Variants in TRIM37 observed in about 807,000 individuals in gnomAD.
TRIM37 encodes tripartite motif containing 37.
TRIM37 carries 80 observed loss-of-function variants against 129.8 expected under a neutral mutation model. The observed-to-expected ratio is 0.62, with a 90% CI of 0.51 to 0.74. TRIM37 has a LOEUF of 0.74. TRIM37 is among the 30% of genes least tolerant of loss of function. TRIM37 has a pLI of 0.00. For missense variants in TRIM37, 1,054 were observed against 1,176.5 expected (o/e 0.90, Z 1.52); for synonymous variants, 389 against 387.1 (o/e 1.00, Z -0.06).
chr17:59,039,900 T>C (rs2038964641), intron 17 of TRIM37, among the ~76,000 whole-genome samples: 1 of 152,114 alleles, frequency 6.6e-6, no homozygotes, highest in Admixed American at 6.6e-5. Flanking sequence ...TTTTCATTAT[T>C]TTTATTTCTA....
rs1228509160 is a variant in TRIM37, at chr17:59,005,702, C to T, written c.2696-3988G>A. On this transcript the variant is annotated intron_variant, in intron 22 of 23. Coordinates refer to ENST00000262294, the MANE Select transcript of TRIM37 (RefSeq NM_015294.6). ...ACTGGGTAGTATGTGAATAATGTCA[C>T]GTTTAGAACTCAGCAAGGTTTACAG... Among the ~76,000 whole-genome samples the T allele has an allele frequency of 4.6e-5, 7 of 152,228 alleles. No individual in the cohort carries two copies. In the East Asian group the frequency reaches 9.7e-4, roughly 21 times the overall value.
rs1005720992 is a variant in TRIM37 at position 59,060,903 on chromosome 17, A to C, written c.1019+129T>G. The C allele has an allele frequency of 4.3e-6, 3 of 689,714 alleles. No homozygotes were observed. In the African/African-American group the frequency reaches 5.4e-5, roughly 13 times the overall value. The allele number at this position is 689,714 out of a possible 1,614,324, so 42.7% of individuals were successfully genotyped here. ...AGAAAAATACCATCCTATGATGCCA[A>C]GAACATATTATTCTACATCTTAACA... On this transcript the variant is annotated intron_variant, in intron 12 of 23. Transcript: ENST00000262294.
At chr17:59,041,543 T>A (rs2039153933) in intron 17 of TRIM37, among the ~76,000 whole-genome samples, 3 of 152,238 alleles carry the variant, frequency 2.0e-5, no homozygotes, top group Admixed American at 2.0e-4. Flanking sequence ...TCTCTATGCA[T>A]CAGTGAATGT....
chr17:59,065,917 C>T (rs2041885679), intron 9 of TRIM37, among the ~76,000 whole-genome samples: 1 of 152,144 alleles, frequency 6.6e-6, no homozygotes. Context: ...AGCAGATGTA[C>T]TTTGCCCTGT....
chr17:59,002,078 T>C (rs936289850), intron 22 of TRIM37, among the ~76,000 whole-genome samples: 7 of 152,178 alleles, frequency 4.6e-5, no homozygotes, highest in African/African-American at 1.7e-4. Context: ...TCCTGATTCA[T>C]TATAGACATA....
At chr17:59,045,809 G>A (rs1393368852) in intron 16 of TRIM37, among the ~76,000 whole-genome samples, 2 of 151,946 alleles carry the variant, frequency 1.3e-5, no homozygotes, top group South Asian at 2.1e-4. Context: ...GAAGTCAGGA[G>A]TTCAAGACCA....
intron 22 of TRIM37, among the ~76,000 whole-genome samples, chr17:59,007,748 T>A (rs896611864): frequency 1.3e-5 from 2 of 152,190 alleles, no homozygotes; most frequent in Non-Finnish European, 2.9e-5. Context: ...AAAGGCCTAT[T>A]TATGTTCATA....
At chr17:59,028,841 A>G in intron 18 of TRIM37, 118 bp from the exon 19 acceptor site, 2 of 943,908 alleles carry the variant, frequency 2.1e-6, no homozygotes, top group South Asian at 2.9e-5. Context: ...ACGTGGTATC[A>G]ACAATAAAAC....
At chr17:59,016,394 C>A (rs1253517440) in intron 20 of TRIM37, among the ~76,000 whole-genome samples, 1 of 133,994 alleles carries the variant, frequency 7.5e-6, no homozygotes. Context: ...AAAACTCCAT[C>A]TCAAAAAAAA....
At chr17:59,030,920 C>T (rs115005539) in intron 18 of TRIM37, among the ~76,000 whole-genome samples, 1 of 152,320 alleles carries the variant, frequency 6.6e-6, no homozygotes, top group African/African-American at 2.4e-5. Flanking sequence ...CCTTTGCAAA[C>T]AACACTTAAC....
intron 4 of TRIM37, 108 bp from the exon 5 acceptor site, chr17:59,084,197 A>C: frequency 2.9e-5 from 24 of 832,696 alleles, no homozygotes; most frequent in Non-Finnish European, 3.9e-5. Context: ...ATTATATCTC[A>C]AGAAACACAG....
At chr17:59,080,294 T>C (rs1287006661) in intron 6 of TRIM37, among the ~76,000 whole-genome samples, 1 of 152,206 alleles carries the variant, frequency 6.6e-6, no homozygotes, top group African/African-American at 2.4e-5. Context: ...GAAATAACAT[T>C]ATAAATAGCT....
chr17:59,067,493 G>C (rs1294979429), intron 9 of TRIM37, among the ~76,000 whole-genome samples: 1 of 152,140 alleles, frequency 6.6e-6, no homozygotes, highest in Non-Finnish European at 1.5e-5. Flanking sequence ...AGGGAAAAAA[G>C]GGAGAACCAC....
At chr17:59,001,199 C>CA (rs537326649) in intron 23 of TRIM37, among the ~76,000 whole-genome samples, 687 of 56,970 alleles carry the variant, frequency 0.012, 5 homozygotes, top group African/African-American at 0.021. Context: ...CATCTCGGGG[C>CA]AAAAAAAAAA....
chr17:59,075,516 A>T, intron 8 of TRIM37, 131 bp downstream of exon 8: 1 of 635,578 alleles, frequency 1.6e-6, no homozygotes, highest in Non-Finnish European at 2.7e-6. Flanking sequence ...GTGAGCCGAG[A>T]TCGCGCCACT....
downstream of TRIM37, chr17:58,980,873 C>T: frequency 6.2e-7 from 1 of 1,614,212 alleles, no homozygotes; most frequent in African/African-American, 1.3e-5. The surrounding 1 kb of genome is among the most constrained non-coding windows in gnomAD (Gnocchi z 4.7). Context: ...AGGCACTAGC[C>T]TGTCCTCACT....
intron 17 of TRIM37, 135 bp downstream of exon 17, chr17:59,041,678 T>C (rs2039169436): frequency 3.0e-6 from 2 of 658,042 alleles, no homozygotes; most frequent in South Asian, 3.5e-5. Context: ...AAAAAATCCA[T>C]ATTATAAGAT....
chr17:59,086,352 C>T (rs558982361), intron 4 of TRIM37, among the ~76,000 whole-genome samples: 4 of 151,832 alleles, frequency 2.6e-5, no homozygotes, highest in Non-Finnish European at 5.9e-5. Flanking sequence ...ATTCTTGCTG[C>T]CTCAGCCTCC....
At chr17:59,036,322 G>A (rs1186839110) in intron 17 of TRIM37, among the ~76,000 whole-genome samples, 3 of 152,120 alleles carry the variant, frequency 2.0e-5, no homozygotes, top group African/African-American at 7.2e-5. Context: ...GTTATTTGAA[G>A]TTAAATGAAA....
Sources: gnomAD v4.1 joint callset for allele counts (sites outside exome capture counted in the v4.1 genomes callset) on GRCh38, gnomAD v4.1.1 for gene constraint, Gnocchi (gnomAD v3.1) non-coding constraint, MANE v1.5 for transcripts, NCBI Gene and HGNC (gene_info 2026-07-23, HGNC 2026-07-21) for gene names.